The following HECW2 variants were observed in gnomAD, a reference collection of about 807,000 sequenced individuals.
The protein encoded by HECW2 is E3 ubiquitin-protein ligase HECW2.
HECW2 carries 61 observed loss-of-function variants against 175.2 expected under a neutral mutation model. The ratio of observed to expected loss-of-function variants is 0.35; its 90% CI spans 0.28 to 0.43. HECW2 has a LOEUF of 0.43. Among genes scored for constraint, HECW2 ranks in the 20% least tolerant of loss-of-function variants. HECW2 has a pLI of 1.00. For synonymous variants in HECW2, 671 were observed against 731.0 expected, an observed-to-expected ratio of 0.92 and a Z score of 1.32; for missense variants, 1,524 against 2,000.5, an observed-to-expected ratio of 0.76 and a Z score of 4.54.
intron 2 of HECW2, among the ~76,000 whole-genome samples, chr2:196,403,815 A>T (rs1694885383): frequency 6.6e-6 from 1 of 152,198 alleles, no homozygotes; most frequent in Non-Finnish European, 1.5e-5. Flanking sequence ...ATAACAAAAA[A>T]GAACATGTCT....
At position 196,200,685 on chromosome 2, in the gene HECW2, T is replaced by C. The variant is rs545574803; in HGVS notation, c.*592A>G. The C allele has an allele frequency of 6.5e-6, 1 of 152,868 alleles. No homozygotes were observed. The highest frequency in any genetic ancestry group is 2.1e-4 in the South Asian group (1 of 4,832). The allele number at this position is 152,868 out of a possible 1,614,324, so 9.5% of individuals were successfully genotyped here. On this transcript the variant is annotated 3_prime_UTR_variant, in exon 29 of 29. Transcript: ENST00000644978. ...CTTGCATATACATTGTCACAGACCA[T>C]CTTATTGCAAATCTGTAAAGGTACC...
intron 1 of HECW2, among the ~76,000 whole-genome samples, chr2:196,453,711 A>G (rs1696416726): frequency 6.6e-6 from 1 of 152,198 alleles, no homozygotes; most frequent in African/African-American, 2.4e-5. Flanking sequence ...TGTTTTCATC[A>G]GGAAGCTCAG....
intron 2 of HECW2, among the ~76,000 whole-genome samples, chr2:196,380,373 T>C (rs1694174448): frequency 6.6e-6 from 1 of 152,244 alleles, no homozygotes; most frequent in African/African-American, 2.4e-5. Flanking sequence ...CACAGCCCTT[T>C]GTATGCATTT....
chr2:196,248,368 A>T (rs1688723666), intron 19 of HECW2, among the ~76,000 whole-genome samples: 1 of 152,162 alleles, frequency 6.6e-6, no homozygotes, highest in South Asian at 2.1e-4. Context: ...ACTATGAGAG[A>T]GACAGTGTCT....
At chr2:196,486,615 T>C (rs1687017337) in intron 1 of HECW2, among the ~76,000 whole-genome samples, 2 of 152,020 alleles carry the variant, frequency 1.3e-5, no homozygotes, top group African/African-American at 4.8e-5. Flanking sequence ...GAGACAGAAA[T>C]GGGAAGAAGA....
intron 1 of HECW2, among the ~76,000 whole-genome samples, chr2:196,580,963 T>C (rs1392491613): frequency 6.6e-6 from 1 of 152,152 alleles, no homozygotes; most frequent in East Asian, 1.9e-4. Context: ...TATTTGGTCA[T>C]TTAAAGGAGT....
intron 23 of HECW2, among the ~76,000 whole-genome samples, chr2:196,224,982 G>T (rs951665679): frequency 3.3e-5 from 5 of 152,158 alleles, no homozygotes; most frequent in African/African-American, 1.2e-4. Context: ...TTGAGGTCTA[G>T]GCTTCCATTT....
chr2:196,588,100 C>T (rs1691052829), intron 1 of HECW2, among the ~76,000 whole-genome samples: 1 of 152,182 alleles, frequency 6.6e-6, no homozygotes, highest in Non-Finnish European at 1.5e-5. Context: ...CCTACTTTCT[C>T]TTTCTTCCAA....
chr2:196,435,735 T>G (rs1368004826), intron 1 of HECW2, among the ~76,000 whole-genome samples: 1 of 152,220 alleles, frequency 6.6e-6, no homozygotes, highest in African/African-American at 2.4e-5. Flanking sequence ...TCTATGATCT[T>G]AGACAATTTA....
At chr2:196,251,450 C>T (rs1394180429) in intron 19 of HECW2, among the ~76,000 whole-genome samples, 1 of 152,204 alleles carries the variant, frequency 6.6e-6, no homozygotes, top group Admixed American at 6.5e-5. Flanking sequence ...TCAACCTCTC[C>T]TGTGCGCCAT....
At chr2:196,469,502 C>A (rs114213833) in intron 1 of HECW2, among the ~76,000 whole-genome samples, 196 of 151,528 alleles carry the variant, frequency 1.3e-3, no homozygotes, top group African/African-American at 4.4e-3. Flanking sequence ...ATATCTCATT[C>A]TTTATATATC....
chr2:196,460,261 T>C (rs1696687416), intron 1 of HECW2, among the ~76,000 whole-genome samples: 1 of 152,166 alleles, frequency 6.6e-6, no homozygotes, highest in East Asian at 1.9e-4. Flanking sequence ...TAAAAGACTC[T>C]AAGAAATATC....
At chr2:196,540,541 C>T (rs1386749349) in intron 1 of HECW2, among the ~76,000 whole-genome samples, 1 of 152,042 alleles carries the variant, frequency 6.6e-6, no homozygotes, top group Non-Finnish European at 1.5e-5. Context: ...GAACTTCTGG[C>T]TCAAGTATCC....
intron 13 of HECW2, among the ~76,000 whole-genome samples, chr2:196,297,089 G>T (rs762056469): frequency 6.6e-6 from 1 of 152,190 alleles, no homozygotes; most frequent in Non-Finnish European, 1.5e-5. Context: ...ATAATGAACA[G>T]AATTCACCTG....
intron 10 of HECW2, chr2:196,316,911 T>TG (rs1408601156): frequency 5.1e-6 from 1 of 197,448 alleles, no homozygotes; most frequent in Non-Finnish European, 1.1e-5. Flanking sequence ...TAGAGTGAGG[T>TG]TTTTCTAAGA....
intron 27 of HECW2, among the ~76,000 whole-genome samples, chr2:196,216,526 C>G (rs1291564369): frequency 3.3e-5 from 4 of 121,012 alleles, no homozygotes; most frequent in Admixed American, 7.7e-5. Context: ...ATAAACACCA[C>G]ACGCAAAAAA....
intron 10 of HECW2, among the ~76,000 whole-genome samples, chr2:196,311,633 C>T (rs1190873683): frequency 6.6e-6 from 1 of 152,078 alleles, no homozygotes; most frequent in Non-Finnish European, 1.5e-5. Flanking sequence ...TCTGTCTCTA[C>T]TAAAAATACA....
At chr2:196,453,966 G>T (rs1311371197) in intron 1 of HECW2, among the ~76,000 whole-genome samples, 1 of 152,126 alleles carries the variant, frequency 6.6e-6, no homozygotes, top group African/African-American at 2.4e-5. Context: ...AAAATAATAA[G>T]AGTTGGGGGA....
chr2:196,350,989 T>C (rs1170470389), intron 2 of HECW2, among the ~76,000 whole-genome samples: 12 of 152,192 alleles, frequency 7.9e-5, no homozygotes, highest in Admixed American at 7.9e-4. Context: ...ATGTATTTCT[T>C]TACCTTCCAC....
Sources: allele counts gnomAD v4.1 joint callset (sites outside exome capture counted in the v4.1 genomes callset), GRCh38; gene constraint gnomAD v4.1.1; transcripts MANE v1.5; gene names NCBI Gene and HGNC (gene_info 2026-07-23, HGNC 2026-07-21).